The following OTULINL variants were observed in gnomAD, a reference collection of about 807,000 sequenced individuals.
OTULINL encodes OTU deubiquitinase with linear linkage specificity like, also known as inactive ubiquitin thioesterase OTULINL.
Under a neutral mutation model 43.9 loss-of-function variants are expected in OTULINL, and 42 were observed. That is an observed-to-expected ratio of 0.96 (90% confidence interval 0.75 to 1.24). The LOEUF (loss-of-function observed/expected upper bound fraction) is 1.24, where lower values mean the gene tolerates loss of function less well. Among genes scored for constraint, OTULINL ranks in the 50% most tolerant of loss-of-function variants. The probability of loss-of-function intolerance (pLI) is 0.00; values close to 1 mark genes in which losing one functional copy is unlikely to be tolerated. For missense variants in OTULINL, 411 were observed against 426.4 expected (o/e 0.96, Z 0.32); for synonymous variants, 172 against 153.6 (o/e 1.12, Z -0.88).
At position 14,583,810 on chromosome 5, in the gene OTULINL, G is replaced by A. The variant is rs1402059314; in HGVS notation, c.64+1852G>A. ...AAAATCAGTTGTCAAAGCTAGTATA[G>A]GGACAACTTTTTTAGCATTCGAAAT... is the stretch of plus-strand genomic sequence containing the variant. On this transcript the variant is annotated intron_variant, in intron 1 of 7. Transcript: ENST00000274217. Among the ~76,000 whole-genome samples the A allele has an allele frequency of 4.6e-5, 7 of 152,266 alleles. No homozygotes were observed. The East Asian group carries it at 5.8e-4, about 13-fold the overall frequency.
rs140582049 is a variant in OTULINL at position 14,614,362 on chromosome 5, A to G, written c.*4048A>G. Among the ~76,000 whole-genome samples, 1 of 152,182 alleles carries G rather than the reference A, an allele frequency of 6.6e-6. No homozygotes were observed. Among genetic ancestry groups the G allele is most frequent in the Non-Finnish European group, 1.5e-5 (1 of 68,034 alleles). On this transcript the variant is annotated 3_prime_UTR_variant, in exon 8 of 8. Coordinates refer to ENST00000274217, the MANE Select transcript of OTULINL (RefSeq NM_019018.3). ...TAAAGTTTTAATTATTTAATTGACA[A>G]ATTAGCTATTCATTTTCCTTCAAAT...
At chr5:14,597,557 A>C (rs75418919) in intron 1 of OTULINL, among the ~76,000 whole-genome samples, 1 of 152,324 alleles carries the variant, frequency 6.6e-6, no homozygotes, top group Non-Finnish European at 1.5e-5. Context: ...GGCACATAAT[A>C]AAAGCTTAAA....
At chr5:14,599,960 G>T (rs1302433465) in intron 1 of OTULINL, among the ~76,000 whole-genome samples, 7 of 152,188 alleles carry the variant, frequency 4.6e-5, no homozygotes, top group Non-Finnish European at 8.8e-5. Flanking sequence ...TACTTGCTCT[G>T]TGCTGCTAAA....
In OTULINL at chr5:14,610,410, A is replaced by G; in HGVS notation, c.*96A>G. Reference sequence around the variant, plus strand: ...AACCAAAGCTAGCATTTCAGCATGGAAGGAATTAGGACCTTTTCTTCAGGA... The same window carrying G: ...AACCAAAGCTAGCATTTCAGCATGGGAGGAATTAGGACCTTTTCTTCAGGA... On this transcript the variant is annotated 3_prime_UTR_variant, in exon 8 of 8. Coordinates refer to ENST00000274217, the MANE Select transcript of OTULINL (RefSeq NM_019018.3). 7.6e-7 allele frequency: 1 copy of G among 1,311,014 alleles called. No homozygotes were observed. Among genetic ancestry groups the G allele is most frequent in the East Asian group, 2.3e-5 (1 of 42,700 alleles). 81.2% of individuals were successfully genotyped at this position (1,311,014 alleles called of 1,614,324 possible).
intron 1 of OTULINL, among the ~76,000 whole-genome samples, chr5:14,592,777 C>G (rs1759226839): frequency 6.6e-6 from 1 of 152,174 alleles, no homozygotes; most frequent in Admixed American, 6.5e-5. Context: ...GGTTACAGAT[C>G]TGAACACCTC....
rs1342818115 is a variant in OTULINL, at chr5:14,612,535, GA to G, written c.*2223del. The stretch of plus-strand genomic sequence containing the variant: ...CATTTAGATAGTTGCTATATTTTGG[GA>G]AGATGTCAAAACAGGTTTTTAGGGA... On this transcript the variant is annotated 3_prime_UTR_variant, in exon 8 of 8. Transcript: ENST00000274217. The G allele has an allele frequency of 3.3e-5, 5 of 152,196 alleles. No individual in the cohort carries two copies. Among genetic ancestry groups the G allele is most frequent in the African/African-American group, 1.2e-4 (5 of 41,458 alleles). 9.4% of individuals were successfully genotyped at this position (152,196 alleles called of 1,614,324 possible). A position where few individuals can be genotyped will look rare whatever the true frequency, so the allele number is the denominator to read the frequency against.
intron 5 of OTULINL, among the ~76,000 whole-genome samples, chr5:14,603,577 ATGATGT>A (rs567318840): frequency 1.4e-3 from 218 of 152,298 alleles, no homozygotes; most frequent in African/African-American, 4.9e-3. Context: ...CCAATGAGTA[ATGATGT>A]TGAGCATTTT....
intron 1 of OTULINL, among the ~76,000 whole-genome samples, chr5:14,583,600 G>A (rs1560957450): frequency 6.6e-6 from 1 of 152,148 alleles, no homozygotes; most frequent in Non-Finnish European, 1.5e-5. Context: ...TGCGAGCCCA[G>A]GGAGAGATTC....
chr5:14,582,039 A>G, intron 1 of OTULINL, 81 bp downstream of exon 1: 1 of 1,029,324 alleles, frequency 9.7e-7, no homozygotes, highest in South Asian at 4.2e-5. Flanking sequence ...GCAGCCAGGG[A>G]CGCGCCCTCC....
chr5:14,588,641 TC>T (rs1759147817), intron 1 of OTULINL, among the ~76,000 whole-genome samples: 1 of 152,136 alleles, frequency 6.6e-6, no homozygotes, highest in Non-Finnish European at 1.5e-5. Context: ...GAGAGGTAGC[TC>T]CCCAGGGCTG....
At chr5:14,586,480 C>A (rs888645836) in intron 1 of OTULINL, among the ~76,000 whole-genome samples, 1 of 152,110 alleles carries the variant, frequency 6.6e-6, no homozygotes, top group Non-Finnish European at 1.5e-5. Context: ...AGGTAATAAA[C>A]AAAAATCCCA....
chr5:14,600,091 C>T (rs1456331984), intron 1 of OTULINL, among the ~76,000 whole-genome samples: 4 of 152,160 alleles, frequency 2.6e-5, no homozygotes, highest in Non-Finnish European at 5.9e-5. Context: ...ATTATATAAT[C>T]CCCAAGTGTC....
At chr5:14,586,909 G>A (rs1759110007) in intron 1 of OTULINL, among the ~76,000 whole-genome samples, 2 of 151,618 alleles carry the variant, frequency 1.3e-5, no homozygotes, top group South Asian at 2.1e-4. Context: ...TCCCTGTCCT[G>A]TACCCACGAC....
chr5:14,583,143 T>G (rs1759044907), intron 1 of OTULINL, among the ~76,000 whole-genome samples: 2 of 152,218 alleles, frequency 1.3e-5, no homozygotes, highest in African/African-American at 2.4e-5. Flanking sequence ...CAGCTTGAGC[T>G]TTTAATTCAC....
chr5:14,583,536 A>C (rs1190062205), intron 1 of OTULINL, among the ~76,000 whole-genome samples: 8 of 152,218 alleles, frequency 5.3e-5, no homozygotes, highest in Admixed American at 2.0e-4. Flanking sequence ...CAGGCTTAAC[A>C]TCATCACCCG....
intron 1 of OTULINL, among the ~76,000 whole-genome samples, chr5:14,595,281 A>G (rs533670929): frequency 6.6e-6 from 1 of 152,246 alleles, no homozygotes; most frequent in Admixed American, 6.5e-5. Flanking sequence ...ATATACCATG[A>G]ATAAGATCAG....
intron 7 of OTULINL, 61 bp downstream of exon 7, chr5:14,609,078 CAG>C (rs1759529670): frequency 6.5e-7 from 1 of 1,543,224 alleles, no homozygotes; most frequent in South Asian, 1.2e-5. Flanking sequence ...TATTTGAACA[CAG>C]AGGTGTCTGG....
intron 1 of OTULINL, among the ~76,000 whole-genome samples, chr5:14,596,946 A>T (rs1759297949): frequency 6.6e-6 from 1 of 152,130 alleles, no homozygotes; most frequent in Non-Finnish European, 1.5e-5. Flanking sequence ...CCCACCTCCA[A>T]TCATCATATG....
In OTULINL at chr5:14,604,228, G is replaced by A. The variant is rs186088606; in HGVS notation, c.498+1896G>A. ...ATGCCTATGGTCATAGTTACTTTTGGGAGACTATGATGGGAGGATTGCTTG... is the reference window on the plus strand; with the variant it reads ...ATGCCTATGGTCATAGTTACTTTTGAGAGACTATGATGGGAGGATTGCTTG... On this transcript the variant is annotated intron_variant, in intron 5 of 7. Coordinates refer to ENST00000274217, the MANE Select transcript of OTULINL (RefSeq NM_019018.3). Among the ~76,000 whole-genome samples, 295 of 152,220 alleles carry A rather than the reference G, an allele frequency of 1.9e-3. 2 individuals are homozygous for A. Among genetic ancestry groups the A allele is most frequent in the African/African-American group, 6.5e-3 (270 of 41,530 alleles).
Sources: gnomAD v4.1 joint callset for allele counts (sites outside exome capture counted in the v4.1 genomes callset) on GRCh38, gnomAD v4.1.1 for gene constraint, MANE v1.5 for transcripts, NCBI Gene and HGNC (gene_info 2026-07-23, HGNC 2026-07-21) for gene names.